Variants in PCDHGA9 observed in about 807,000 individuals in gnomAD.
The protein encoded by PCDHGA9 is protocadherin gamma subfamily A, 9.
PCDHGA9 carries 37 observed loss-of-function variants against 62.5 expected under a neutral mutation model. That is an observed-to-expected ratio of 0.59 (90% confidence interval 0.46 to 0.78). PCDHGA9 has a LOEUF of 0.78. Ranked by LOEUF, PCDHGA9 falls within the 30% of genes least tolerant of loss-of-function variation. The pLI, the probability that PCDHGA9 is intolerant of heterozygous loss-of-function variation, is 0.00. For missense variants in PCDHGA9, 1,138 were observed against 1,166.2 expected, an observed-to-expected ratio of 0.98 and a Z score of 0.35; for synonymous variants, 459 against 484.6, an observed-to-expected ratio of 0.95 and a Z score of 0.69.
intron 1 of PCDHGA9, chr5:141,428,189 CTCTCTGCGCCGCTACGCTTCACCTAG>C: frequency 7.0e-7 from 1 of 1,429,262 alleles, no homozygotes; most frequent in Non-Finnish European, 9.7e-7. Flanking sequence ...ACAGCCGCCG[CTCTCTGCGCCGCTACGCTTCACCTAG>C]TCTTCGCAGA....
In PCDHGA9 at chr5:141,404,674, T is replaced by C; in HGVS notation, c.1722T>C (p.Gly574=). 3 of 1,614,176 alleles carry C rather than the reference T, an allele frequency of 1.9e-6. No homozygotes were observed. Among genetic ancestry groups the C allele is most frequent in the East Asian group, 2.2e-5 (1 of 44,882 alleles). The change falls in exon 1 of 4, where the codon GGT becomes GGC. Residue 574 remains glycine (G), a synonymous_variant. Transcript: ENST00000573521. ...YPALPTDGST[G]VELAPRSAEP... is the part of the protein sequence containing the mutation. ...CCCTCCCCACTGATGGTTCTACTGG[T>C]GTGGAGCTGGCACCCCGCTCTGCAG...
intron 1 of PCDHGA9, among the ~76,000 whole-genome samples, chr5:141,458,695 G>A (rs551105765): frequency 2.0e-5 from 3 of 151,852 alleles, no homozygotes; most frequent in Non-Finnish European, 2.9e-5. Context: ...TCAGCCTCCC[G>A]AGTAGCTGGG....
intron 1 of PCDHGA9, chr5:141,413,247 C>T (rs1168509242): frequency 1.2e-6 from 2 of 1,613,822 alleles, no homozygotes; most frequent in African/African-American, 2.7e-5. Flanking sequence ...GCCTTTTCTT[C>T]GGGATTCCAT....
At chr5:141,410,195 G>C (rs769655902) in intron 1 of PCDHGA9, 1 of 1,613,966 alleles carries the variant, frequency 6.2e-7, no homozygotes, top group South Asian at 1.1e-5. Flanking sequence ...TCTGGTCTTC[G>C]CAGACAACTT....
At chr5:141,500,728 T>C (rs556463739) in intron 2 of PCDHGA9, among the ~76,000 whole-genome samples, 1 of 152,310 alleles carries the variant, frequency 6.6e-6, no homozygotes, top group South Asian at 2.1e-4. Context: ...CCCATGTCTT[T>C]CAAAATTCTT....
rs758599120 is a variant in PCDHGA9 at position 141,414,165 on chromosome 5, A to G, written c.2424+8789A>G. On this transcript the variant is annotated intron_variant, in intron 1 of 3. Transcript: ENST00000573521. The stretch of plus-strand genomic sequence containing the variant: ...AAATACAAGCAGAAGATGGAGGAGC[A>G]TATCTTGCAACTGCAAAAGTGTTGA... 8 of 1,604,890 alleles carry G rather than the reference A, an allele frequency of 5.0e-6. No homozygotes were observed. The highest frequency in any genetic ancestry group is 2.2e-5 in the South Asian group (2 of 89,922).
At chr5:141,475,146 G>A (rs938308425) in intron 1 of PCDHGA9, among the ~76,000 whole-genome samples, 3 of 152,014 alleles carry the variant, frequency 2.0e-5, no homozygotes, top group African/African-American at 4.8e-5. Context: ...AATCTTCTCC[G>A]TCTTCTTCTT....
chr5:141,410,540 G>C (rs1301173391), intron 1 of PCDHGA9: 1 of 1,613,702 alleles, frequency 6.2e-7, no homozygotes. Context: ...TGAAGACATG[G>C]TTTGCAGTGT....
chr5:141,413,530 A>G (rs879218343), intron 1 of PCDHGA9: 1 of 1,613,954 alleles, frequency 6.2e-7, no homozygotes, highest in Non-Finnish European at 8.5e-7. Context: ...AGACAGGGTG[A>G]AACTTTTTGG....
intron 1 of PCDHGA9, among the ~76,000 whole-genome samples, chr5:141,438,637 C>G (rs11958903): frequency 3.2e-5 from 1 of 30,940 alleles, no homozygotes. Context: ...TATATATATA[C>G]ACACACACAC....
chr5:141,476,417 C>A lies in PCDHGA9; in HGVS notation c.2425-18390C>A. ...GGATCGAGAGGAGCTGTGTGGGACA[C>A]TGCCCTCTTGCACTGTAACTCTGGA... is the stretch of plus-strand genomic sequence containing the variant. On this transcript the variant is annotated intron_variant, in intron 1 of 3. Coordinates refer to ENST00000573521, the MANE Select transcript of PCDHGA9 (RefSeq NM_018921.3). This position sits in a 1 kb window ranked among gnomAD's most constrained non-coding sequence, Gnocchi z 7.6. The A allele has an allele frequency of 6.2e-7, 1 of 1,614,112 alleles. No homozygotes were observed. The highest frequency in any genetic ancestry group is 8.5e-7 in the Non-Finnish European group (1 of 1,179,994).
chr5:141,459,886 G>A (rs932435611), intron 1 of PCDHGA9, among the ~76,000 whole-genome samples: 2 of 152,080 alleles, frequency 1.3e-5, no homozygotes, highest in Non-Finnish European at 2.9e-5. Context: ...TGAGCTGAAC[G>A]CCTTCTTAAA....
At position 141,511,516 on chromosome 5, in the gene PCDHGA9, T is replaced by A. The variant is rs2099883825; in HGVS notation, c.*343T>A. ...CTTCCAAATCAATCAGGCCCATCCA[T>A]CCCATGCCTCCCTCCTCCCCACCCC... is the stretch of plus-strand genomic sequence containing the variant. On this transcript the variant is annotated 3_prime_UTR_variant, in exon 4 of 4. Transcript: ENST00000573521. 1 of 365,020 alleles carries A rather than the reference T, an allele frequency of 2.7e-6. No individual in the cohort carries two copies. Among genetic ancestry groups the A allele is most frequent in the Admixed American group, 4.0e-5 (1 of 25,162 alleles). The allele number at this position is 365,020 out of a possible 1,614,324, so 22.6% of individuals were successfully genotyped here.
chr5:141,489,943 A>G lies in PCDHGA9; in HGVS notation c.2425-4864A>G. ...CCTTATCTCTGTCATCGTGCTGGAC[A>G]TCAATGATAATGCTCCAACCTTCCA... On this transcript the variant is annotated intron_variant, in intron 1 of 3. Transcript: ENST00000573521. The surrounding 1 kb of genome is among the most constrained non-coding windows in gnomAD (Gnocchi z 4.5). 5.6e-6 allele frequency: 9 copies of G among 1,614,190 alleles called. No homozygotes were observed. Among genetic ancestry groups the G allele is most frequent in the Non-Finnish European group, 7.6e-6 (9 of 1,180,016 alleles).
At chr5:141,409,708 G>C (rs2095304272) in intron 1 of PCDHGA9, 5 of 1,613,088 alleles carry the variant, frequency 3.1e-6, no homozygotes, top group Non-Finnish European at 1.7e-6. Context: ...TGGCGGTGTC[G>C]TCATACGTGT....
At chr5:141,421,854 C>T (rs1402137870) in intron 1 of PCDHGA9, 9 of 1,613,644 alleles carry the variant, frequency 5.6e-6, no homozygotes. Flanking sequence ...AGGCTGCTCA[C>T]CTGCTCCTCC....
chr5:141,458,823 C>T (rs1185812086), intron 1 of PCDHGA9, among the ~76,000 whole-genome samples: 1 of 152,126 alleles, frequency 6.6e-6, no homozygotes, highest in African/African-American at 2.4e-5. Flanking sequence ...ACCTCTGCCT[C>T]CCAGGCTCAA....
rs2099391466 is a variant in PCDHGA9, at chr5:141,476,424, C to T, written c.2425-18383C>T. ...GAGGAGCTGTGTGGGACACTGCCCT[C>T]TTGCACTGTAACTCTGGAGTTGGTA... is the stretch of plus-strand genomic sequence containing the variant. On this transcript the variant is annotated intron_variant, in intron 1 of 3. Coordinates refer to ENST00000573521, the MANE Select transcript of PCDHGA9 (RefSeq NM_018921.3). This position sits in a 1 kb window ranked among gnomAD's most constrained non-coding sequence, Gnocchi z 7.6. 1 of 1,613,978 alleles carries T rather than the reference C, an allele frequency of 6.2e-7. No individual in the cohort carries two copies. The highest frequency in any genetic ancestry group is 1.1e-5 in the South Asian group (1 of 91,076).
At chr5:141,451,091 G>A (rs2098706622) in intron 1 of PCDHGA9, among the ~76,000 whole-genome samples, 1 of 151,962 alleles carries the variant, frequency 6.6e-6, no homozygotes, top group South Asian at 2.1e-4. Context: ...ACCTCCCAAA[G>A]TGTTGGGATT....
Sources: allele counts gnomAD v4.1 joint callset (sites outside exome capture counted in the v4.1 genomes callset), GRCh38; gene constraint gnomAD v4.1.1; non-coding constraint Gnocchi (gnomAD v3.1); transcripts MANE v1.5; gene names NCBI Gene and HGNC (gene_info 2026-07-23, HGNC 2026-07-21).